HMGN3: variants seen among roughly 807,000 people sequenced by gnomAD.
HMGN3 encodes high mobility group nucleosomal binding domain 3.
A neutral mutation model predicts 18.8 loss-of-function variants in HMGN3; 6 were observed. The ratio of observed to expected loss-of-function variants is 0.32; its 90% CI spans 0.18 to 0.63. HMGN3 has a LOEUF of 0.63. Ranked by LOEUF, HMGN3 falls within the 30% of genes least tolerant of loss-of-function variation. HMGN3 has a pLI of 0.79. For synonymous variants in HMGN3, 40 were observed against 36.5 expected (o/e 1.10, Z -0.35); for missense variants, 107 against 114.2 (o/e 0.94, Z 0.29).
intron 2 of HMGN3, among the ~76,000 whole-genome samples, chr6:79,208,860 GGCTTT>G (rs1776549488): frequency 6.6e-6 from 1 of 152,158 alleles, no homozygotes; most frequent in Admixed American, 6.5e-5. Flanking sequence ...GATCAACTTA[GGCTTT>G]ATCCCAAATT....
At chr6:79,210,156 T>C (rs1776614363) in intron 2 of HMGN3, among the ~76,000 whole-genome samples, 1 of 152,150 alleles carries the variant, frequency 6.6e-6, no homozygotes, top group Admixed American at 6.5e-5. Flanking sequence ...CTGCAATACC[T>C]TTCCCAGCAT....
At chr6:79,203,618 G>C in exon 4 of HMGN3, 1 of 1,612,570 alleles carries the variant, frequency 6.2e-7, no homozygotes, top group Non-Finnish European at 8.5e-7. Context: ...TCAGGTTTTG[G>C]TGGAGCAGGT....
rs79489335 is a variant in HMGN3 at position 79,231,151 on chromosome 6, A to T, written c.15+3395T>A. 3.5e-3 allele frequency among the ~76,000 whole-genome samples: 537 copies of T among 152,324 alleles called. 5 individuals are homozygous for T. Among genetic ancestry groups the T allele is most frequent in the African/African-American group, 0.012 (496 of 41,570 alleles). ...AGACATTTAAAATAGTTCTAGTGAT[A>T]AGGAACTGGAAAATATTAATAAAAA... On this transcript the variant is annotated intron_variant, in intron 1 of 5. Transcript: ENST00000344726.
intron 1 of HMGN3, among the ~76,000 whole-genome samples, chr6:79,225,037 G>A (rs558769743): frequency 6.6e-6 from 1 of 152,318 alleles, no homozygotes; most frequent in South Asian, 2.1e-4. Context: ...GTTAAAAAAT[G>A]TATTAAATAA....
chr6:79,215,201 C>T lies in HMGN3; in HGVS notation c.16-179G>A, dbSNP rs979121303. Among the ~76,000 whole-genome samples the T allele has an allele frequency of 6.6e-5, 10 of 152,200 alleles. No homozygotes were observed. The East Asian group carries it at 1.3e-3, about 20-fold the overall frequency. On this transcript the variant is annotated intron_variant, in intron 1 of 5. Coordinates refer to ENST00000344726, the Ensembl canonical transcript of HMGN3. Reference sequence around the variant, plus strand: ...ACCTACGTGCATGCATGCACACACACGGTAGATAGCTGCATAACTGCTCGA... The same window carrying T: ...ACCTACGTGCATGCATGCACACACATGGTAGATAGCTGCATAACTGCTCGA...
At chr6:79,206,524 A>C (rs1374802787) in intron 3 of HMGN3, among the ~76,000 whole-genome samples, 1 of 152,188 alleles carries the variant, frequency 6.6e-6, no homozygotes, top group Non-Finnish European at 1.5e-5. Flanking sequence ...TGAAGAAATG[A>C]GGTTTGGGAA....
chr6:79,203,819 C>T (rs547982327), intron 3 of HMGN3, among the ~76,000 whole-genome samples, 189 bp from the exon 4 acceptor site: 1 of 152,320 alleles, frequency 6.6e-6, no homozygotes, highest in South Asian at 2.1e-4. Flanking sequence ...ACTATTTTCA[C>T]CCTGGGTTCA....
At chr6:79,229,238 C>T (rs1777716307) in intron 1 of HMGN3, among the ~76,000 whole-genome samples, 1 of 152,000 alleles carries the variant, frequency 6.6e-6, no homozygotes, top group African/African-American at 2.4e-5. Flanking sequence ...CTTCAAAAGA[C>T]ACCATTAAGA....
At chr6:79,224,678 C>T (rs754243497) in intron 1 of HMGN3, among the ~76,000 whole-genome samples, 3 of 152,100 alleles carry the variant, frequency 2.0e-5, no homozygotes, top group African/African-American at 7.2e-5. Context: ...AACAGGGGCA[C>T]AGTCTTAATA....
At chr6:79,212,874 AACC>A (rs1776771548) in intron 2 of HMGN3, among the ~76,000 whole-genome samples, 2 of 152,174 alleles carry the variant, frequency 1.3e-5, no homozygotes, top group African/African-American at 4.8e-5. Context: ...TTTTACCCGA[AACC>A]ATCAGCAAAC....
chr6:79,202,805 G>T (rs960070688), intron 4 of HMGN3, among the ~76,000 whole-genome samples: 1 of 152,158 alleles, frequency 6.6e-6, no homozygotes, highest in Non-Finnish European at 1.5e-5. Context: ...AACCCCTCAC[G>T]TGGAGACATG....
intron 2 of HMGN3, among the ~76,000 whole-genome samples, chr6:79,214,453 G>A (rs892295880): frequency 6.6e-6 from 1 of 151,972 alleles, no homozygotes; most frequent in Non-Finnish European, 1.5e-5. Flanking sequence ...CGCCCGCCTC[G>A]GCCACCCAAA....
chr6:79,212,393 A>G (rs1032500602), intron 2 of HMGN3, among the ~76,000 whole-genome samples: 19 of 152,158 alleles, frequency 1.2e-4, no homozygotes, highest in Non-Finnish European at 2.9e-5. Flanking sequence ...GTTTTTCTTC[A>G]TAGCTAATAT....
At chr6:79,208,071 GGA>G (rs796652724) in intron 3 of HMGN3, among the ~76,000 whole-genome samples, 53 of 152,188 alleles carry the variant, frequency 3.5e-4, no homozygotes, top group African/African-American at 1.1e-3. Flanking sequence ...GCCCACAGAA[GGA>G]GACACCAAAT....
At chr6:79,202,016 G>T (rs1171342323) in intron 5 of HMGN3, 47 bp downstream of exon 6, 4 of 1,512,932 alleles carry the variant, frequency 2.6e-6, no homozygotes, top group South Asian at 2.5e-5. Context: ...ACTACTATCT[G>T]ATTCTAGTCA....
At chr6:79,225,465 C>T (rs370418728) in intron 1 of HMGN3, among the ~76,000 whole-genome samples, 11 of 152,132 alleles carry the variant, frequency 7.2e-5, no homozygotes, top group African/African-American at 1.9e-4. Flanking sequence ...TTATTCTTCA[C>T]GAGTTCCAAA....
intron 2 of HMGN3, among the ~76,000 whole-genome samples, chr6:79,211,485 A>C (rs1016943223): frequency 7.7e-6 from 1 of 129,436 alleles, no homozygotes; most frequent in African/African-American, 2.9e-5. Context: ...TTTTTTTTTT[A>C]ATTGTGAATC....
chr6:79,204,632 A>G (rs1302352673), intron 3 of HMGN3, among the ~76,000 whole-genome samples: 2 of 152,222 alleles, frequency 1.3e-5, no homozygotes, highest in South Asian at 2.1e-4. Flanking sequence ...GTCTCCCCCT[A>G]TGGAGAAAAA....
intron 2 of HMGN3, among the ~76,000 whole-genome samples, chr6:79,212,459 G>A (rs955338355): frequency 1.3e-5 from 2 of 152,118 alleles, no homozygotes; most frequent in Admixed American, 6.5e-5. Flanking sequence ...TGAAAGCAGC[G>A]ATTTTTGCTT....
Sources: gnomAD v4.1 joint callset for allele counts (sites outside exome capture counted in the v4.1 genomes callset) on GRCh38, gnomAD v4.1.1 for gene constraint, MANE v1.5 for transcripts, NCBI Gene and HGNC (gene_info 2026-07-23, HGNC 2026-07-21) for gene names.